PCK1: variants seen among roughly 807,000 people sequenced by gnomAD.
The protein encoded by PCK1 is phosphoenolpyruvate carboxykinase 1.
In PCK1, 44 loss-of-function variants were observed where a neutral mutation model predicts 50.3. The ratio of observed to expected loss-of-function variants is 0.87; its 90% CI spans 0.69 to 1.12. The LOEUF (loss-of-function observed/expected upper bound fraction) is 1.12. Among genes scored for constraint, PCK1 ranks in the 50% most tolerant of loss-of-function variants. The pLI is 0.00. For missense variants in PCK1, 790 were observed against 815.0 expected (o/e 0.97, Z 0.37); for synonymous variants, 332 against 314.3 (o/e 1.06, Z -0.59).
chr20:57,561,687 T>G (rs748202618), intron 2 of PCK1, 52 bp downstream of exon 2: 10 of 1,266,766 alleles, frequency 7.9e-6, no homozygotes, highest in Non-Finnish European at 1.1e-5. Context: ...AGGGCTCCCC[T>G]GCGTCTCCTG....
Position 57,564,570 on chromosome 20 carries a change from T to C in PCK1, c.1275T>C (p.Gly425=). The change falls in exon 8 of 10, where the codon GGT becomes GGC. Residue 425 remains glycine (G), a synonymous_variant. Transcript: ENST00000319441. Reference sequence around the variant, plus strand: ...ATGCTGCCTGGGAGTCTCCGGAAGGTGTTCCCATTGAAGGCATTATCTTTG... The same window carrying C: ...ATGCTGCCTGGGAGTCTCCGGAAGGCGTTCCCATTGAAGGCATTATCTTTG... ...IIDAAWESPE[G]VPIEGIIFGG... The C allele has an allele frequency of 6.2e-7, 1 of 1,612,448 alleles. No homozygotes were observed. Among genetic ancestry groups the C allele is most frequent in the Non-Finnish European group, 8.5e-7 (1 of 1,178,910 alleles).
chr20:57,565,174 G>T (rs2070191481), intron 9 of PCK1, 39 bp downstream of exon 9: 2 of 1,485,968 alleles, frequency 1.3e-6, no homozygotes, highest in Admixed American at 3.4e-5. Context: ...AGAGAAGTGG[G>T]ATTAGAGCAC....
intron 9 of PCK1, 70 bp downstream of exon 9, chr20:57,565,205 C>A: frequency 7.5e-7 from 1 of 1,336,004 alleles, no homozygotes; most frequent in South Asian, 1.2e-5. Context: ...TCTTATGTCT[C>A]TCTCCTTTTC....
chr20:57,564,056 G>C, intron 6 of PCK1, 113 bp from the exon 7 acceptor site: 1 of 706,260 alleles, frequency 1.4e-6, no homozygotes, highest in Non-Finnish European at 2.4e-6. Context: ...ATATTCTAGG[G>C]AGGGAAAAAA....
chr20:57,561,398 A>G lies in PCK1; in HGVS notation c.-14A>G. 1.9e-6 allele frequency: 3 copies of G among 1,587,082 alleles called. No homozygotes were observed. The highest frequency in any genetic ancestry group is 2.7e-5 in the African/African-American group (2 of 74,458). On this transcript the variant is annotated 5_prime_UTR_variant, in exon 2 of 10. Coordinates refer to ENST00000319441, the MANE Select transcript of PCK1 (RefSeq NM_002591.4). ...TGACCTCACATTCGTGCCCCTTAGC[A>G]GCACTCTGCAGAAATGCCTCCTCAG...
rs200991428 is a variant in PCK1, at chr20:57,563,608, C to T, written c.842C>T (p.Ala281Val). Reference sequence around the variant, plus strand: ...CCTGAGGGTGAGAAGAAGTACCTGGCGGCCGCATTTCCCAGCGCCTGCGGG... The same window carrying T: ...CCTGAGGGTGAGAAGAAGTACCTGGTGGCCGCATTTCCCAGCGCCTGCGGG... Reference protein sequence around the residue: ...TNPEGEKKYLAAAFPSACGKT... With the variant: ...TNPEGEKKYLVAAFPSACGKT... Residue 281 changes from alanine (A) to valine (V), a missense_variant, in exon 6 of 10, where the codon GCG (alanine) becomes GTG (valine). Physicochemically the swap from Ala to Val is moderately conservative, Grantham distance 64. Coordinates refer to ENST00000319441, the MANE Select transcript of PCK1 (RefSeq NM_002591.4). The T allele has an allele frequency of 1.3e-5, 21 of 1,611,470 alleles. No homozygotes were observed. Among genetic ancestry groups the T allele is most frequent in the East Asian group, 8.9e-5 (4 of 44,826 alleles).
intron 2 of PCK1, 126 bp from the exon 3 acceptor site, chr20:57,561,945 G>A: frequency 1.4e-6 from 1 of 732,792 alleles, no homozygotes; most frequent in Non-Finnish European, 2.3e-6. Context: ...GATGGTCTGT[G>A]TGTTCACACT....
At position 57,563,682 on chromosome 20, in the gene PCK1, G is replaced by A. The variant is rs201677393; in HGVS notation, c.916G>A (p.Glu306Lys). 1.0e-4 allele frequency: 162 copies of A among 1,613,762 alleles called. No homozygotes were observed. The highest frequency in any genetic ancestry group is 3.3e-4 in the Middle Eastern group (2 of 6,084). ...MNPSLPGWKVECVGDDIAWMK... is the reference protein window; with the variant it reads ...MNPSLPGWKVKCVGDDIAWMK... Reference sequence around the variant, plus strand: ...CCCCAGCCTCCCCGGGTGGAAGGTTGAGTGCGTCGGGGATGACATTGCCTG... The same window carrying A: ...CCCCAGCCTCCCCGGGTGGAAGGTTAAGTGCGTCGGGGATGACATTGCCTG... The change falls in exon 6 of 10, where the codon GAG (glutamate) becomes AAG (lysine). Residue 306 changes from glutamate to lysine, a missense_variant. Coordinates refer to ENST00000319441, the MANE Select transcript of PCK1 (RefSeq NM_002591.4).
Position 57,563,401 on chromosome 20 carries a change from G to A in PCK1, c.799-164G>A, listed in dbSNP as rs925477108. 8 of 683,530 alleles carry A rather than the reference G, an allele frequency of 1.2e-5. No homozygotes were observed. In the African/African-American group the frequency reaches 1.4e-4, roughly 12 times the overall value. The allele number at this position is 683,530 out of a possible 1,614,324, so 42.3% of individuals were successfully genotyped here. A position where few individuals can be genotyped will look rare whatever the true frequency, so the allele number is the denominator to read the frequency against. On this transcript the variant is annotated intron_variant, in intron 5 of 9. Coordinates refer to ENST00000319441, the MANE Select transcript of PCK1 (RefSeq NM_002591.4). ...CGCTTTTGAAGGCCCCCAAACACCA[G>A]GGGACCATAGAGATCCTTTGGACTT...
At chr20:57,563,484 TACATTCCA>T in intron 5 of PCK1, 73 bp from the exon 6 acceptor site, 1 of 955,702 alleles carries the variant, frequency 1.0e-6, no homozygotes, top group Non-Finnish European at 1.6e-6. Context: ...CTTGAGGGCC[TACATTCCA>T]ACCTCTGGGC....
chr20:57,562,187 G>A lies in PCK1; in HGVS notation c.341G>A (p.Gly114Asp). 1 of 1,614,178 alleles carries A rather than the reference G, an allele frequency of 6.2e-7. No homozygotes were observed. Among genetic ancestry groups the A allele is most frequent in the Non-Finnish European group, 8.5e-7 (1 of 1,179,984 alleles). The change falls in exon 3 of 10, where the codon GGT (glycine) becomes GAT (aspartate). Residue 114 changes from glycine (G) to aspartate (D), a missense_variant. Transcript: ENST00000319441. ...CCCAAAACAGGCCTCAGCCAGCTCG[G>A]TCGCTGGATGTCAGAGGAGGATTTT... Reference protein sequence around the residue: ...PIPKTGLSQLGRWMSEEDFEK... With the variant: ...PIPKTGLSQLDRWMSEEDFEK...
At chr20:57,564,097 G>C in intron 6 of PCK1, 72 bp from the exon 7 acceptor site, 1 of 938,926 alleles carries the variant, frequency 1.1e-6, no homozygotes, top group Non-Finnish European at 1.6e-6. Context: ...AAATTAGTCC[G>C]GCAATATATA....
At chr20:57,565,242 GAGAGAA>G in intron 9 of PCK1, 102 bp from the exon 10 acceptor site, 1 of 1,272,924 alleles carries the variant, frequency 7.9e-7, no homozygotes, top group South Asian at 1.2e-5. Flanking sequence ...GAGAGAGAGA[GAGAGAA>G]AGAGAGAGAG....
In PCK1 at chr20:57,565,723, G is replaced by T; in HGVS notation, c.1788G>T (p.Leu596=). The T allele has an allele frequency of 1.2e-6, 2 of 1,613,788 alleles. No individual in the cohort carries two copies. Among genetic ancestry groups the T allele is most frequent in the Non-Finnish European group, 1.7e-6 (2 of 1,179,996 alleles). Residue 596 remains leucine (L), a synonymous_variant, in exon 10 of 10, where the codon CTG becomes CTT. Transcript: ENST00000319441. ...AGGTGGAAGACATCGAGAAGTATCT[G>T]GAGGATCAAGTCAATGCCGACCTCC... ...EKEVEDIEKY[L]EDQVNADLPC...
In PCK1 at chr20:57,562,846, A is replaced by G. The variant is rs749492662; in HGVS notation, c.557A>G (p.Asp186Gly). 11 of 1,613,806 alleles carry G rather than the reference A, an allele frequency of 6.8e-6. No individual in the cohort carries two copies. The South Asian group carries it at 7.7e-5, about 11-fold the overall frequency. Residue 186 changes from aspartate to glycine, a missense_variant, in exon 4 of 10, where the codon GAT (aspartate) becomes GGT (glycine). By Grantham distance (94) the Asp-to-Gly change is moderately conservative. Coordinates refer to ENST00000319441, the MANE Select transcript of PCK1 (RefSeq NM_002591.4). ...ACGCCCGTCCTGGAAGCAGTGGGCG[A>G]TGGGGAGTTTGTCAAATGCCTCCAT... ...MGTPVLEAVG[D>G]GEFVKCLHSV... is the part of the protein sequence containing the mutation.
intron 2 of PCK1, 70 bp downstream of exon 2, chr20:57,561,705 G>T (rs1345376392): frequency 6.7e-6 from 7 of 1,049,540 alleles, no homozygotes; most frequent in Non-Finnish European, 1.0e-5. Context: ...CTGGGAGTTG[G>T]TGGAGAAAGG....
rs1330652276 is a variant in PCK1 at position 57,563,173 on chromosome 20, C to T, written c.756C>T (p.Ser252=). The change falls in exon 5 of 10, where the codon AGC becomes AGT. Residue 252 remains serine (S), a synonymous_variant. Coordinates refer to ENST00000319441, the MANE Select transcript of PCK1 (RefSeq NM_002591.4). The part of the protein sequence containing the change: ...GKKCFALRMA[S]RLAKEEGWLA... ...AGTGCTTTGCTCTCAGGATGGCCAG[C>T]CGGCTGGCCAAGGAGGAAGGGTGGC... 6.2e-6 allele frequency: 10 copies of T among 1,613,694 alleles called. No individual in the cohort carries two copies. The highest frequency in any genetic ancestry group is 7.6e-6 in the Non-Finnish European group (9 of 1,180,012).
intron 2 of PCK1, 181 bp from the exon 3 acceptor site, chr20:57,561,890 C>T: frequency 1.6e-6 from 1 of 622,856 alleles, no homozygotes; most frequent in Non-Finnish European, 2.8e-6. Context: ...CCCTCTCCTA[C>T]AGACCAGGTC....
At chr20:57,563,938 T>A (rs1464399513) in intron 6 of PCK1, 12 of 610,678 alleles carry the variant, frequency 2.0e-5, no homozygotes, top group Non-Finnish European at 3.5e-5. Context: ...GCTGTTTGTT[T>A]ACATACATAC....
Sources: allele counts gnomAD v4.1 joint callset, GRCh38; gene constraint gnomAD v4.1.1; transcripts MANE v1.5; gene names NCBI Gene and HGNC (gene_info 2026-07-23, HGNC 2026-07-21).